The following PROKR2 variants were observed in gnomAD, a reference collection of about 807,000 sequenced individuals.
The protein encoded by PROKR2 is G protein-coupled receptor 73-like 1.
Under a neutral mutation model 23.4 loss-of-function variants are expected in PROKR2, and 26 were observed. That is an observed-to-expected ratio of 1.11 (90% CI 0.81 to 1.54). The LOEUF (loss-of-function observed/expected upper bound fraction) is 1.54. Ranked by LOEUF, PROKR2 falls within the 40% of genes most tolerant of loss-of-function variation. The pLI, the probability that PROKR2 is intolerant of heterozygous loss-of-function variation, is 0.00. For missense variants in PROKR2, 453 were observed against 511.5 expected, an observed-to-expected ratio of 0.89 and a Z score of 1.10; for synonymous variants, 212 against 201.2, an observed-to-expected ratio of 1.05 and a Z score of -0.45.
intron 2 of PROKR2, among the ~76,000 whole-genome samples, chr20:5,308,094 T>G (rs1034408761): frequency 6.6e-6 from 1 of 152,238 alleles, no homozygotes; most frequent in Non-Finnish European, 1.5e-5. Context: ...AGTCTGCAGA[T>G]GTGGATCCTG....
chr20:5,305,100 A>T (rs977590248), intron 2 of PROKR2, among the ~76,000 whole-genome samples: 2 of 150,494 alleles, frequency 1.3e-5, no homozygotes, highest in Non-Finnish European at 3.0e-5. Flanking sequence ...AGCCCAAAAT[A>T]TGTCCAAAAT....
At position 5,316,444 on chromosome 20, in the gene PROKR2, C is replaced by A. The variant is rs1293499295; in HGVS notation, c.-9+50G>T. On this transcript the variant is annotated intron_variant, in intron 1 of 2. Coordinates refer to ENST00000678254, the MANE Select transcript of PROKR2 (RefSeq NM_144773.4). This position sits in a 1 kb window ranked among gnomAD's most constrained non-coding sequence, Gnocchi z 5.0. ...GTCAGAGGCCCTTGTCCTAGCGACT[C>A]CCCCACCGCACCGACTGAGTCCCGG... The A allele has an allele frequency of 5.8e-5, 26 of 450,790 alleles. No homozygotes were observed. In the Admixed American group the frequency reaches 6.2e-4, roughly 11 times the overall value. 27.9% of individuals were successfully genotyped at this position (450,790 alleles called of 1,614,324 possible).
At chr20:5,315,235 G>GAATTCCATGCAAA (rs1330572086) in intron 1 of PROKR2, among the ~76,000 whole-genome samples, 5 of 150,184 alleles carry the variant, frequency 3.3e-5, no homozygotes, top group Non-Finnish European at 7.5e-5. Flanking sequence ...ACCAGCTCCA[G>GAATTCCATGCAAA]AAAGAAATCC....
chr20:5,311,123 G>A (rs56397845), intron 2 of PROKR2, among the ~76,000 whole-genome samples: 17,610 of 152,204 alleles, frequency 0.12, 1,089 homozygotes, highest in Non-Finnish European at 0.12. Context: ...ATATGGATGA[G>A]TATGGATTTC....
chr20:5,315,678 C>G (rs1303979995), intron 1 of PROKR2: 1 of 362,556 alleles, frequency 2.8e-6, no homozygotes, highest in Admixed American at 3.6e-5. Flanking sequence ...ACACCCTAAC[C>G]TGGGGTGCGC....
chr20:5,313,800 T>C lies in PROKR2; in HGVS notation c.458+112A>G, dbSNP rs1395738012. On this transcript the variant is annotated intron_variant, in intron 2 of 2. Transcript: ENST00000678254. Reference sequence around the variant, plus strand: ...GGAGAAACAAGACCTCCTCTTGCCCTCCAAAGATTGGTGAGCATTCCTATC... The same window carrying C: ...GGAGAAACAAGACCTCCTCTTGCCCCCCAAAGATTGGTGAGCATTCCTATC... 1.6e-5 allele frequency: 15 copies of C among 934,540 alleles called. No individual in the cohort carries two copies. The East Asian group carries it at 2.9e-4, about 18-fold the overall frequency. The allele number at this position is 934,540 out of a possible 1,614,324, so 57.9% of individuals were successfully genotyped here. A position where few individuals can be genotyped will look rare whatever the true frequency, so the allele number is the denominator to read the frequency against.
chr20:5,316,184 C>T lies in PROKR2; in HGVS notation c.-9+310G>A, dbSNP rs1228589775. 2 of 456,670 alleles carry T rather than the reference C, an allele frequency of 4.4e-6. No homozygotes were observed. Among genetic ancestry groups the T allele is most frequent in the Admixed American group, 2.3e-5 (1 of 42,574 alleles). The allele number at this position is 456,670 out of a possible 1,614,324, so 28.3% of individuals were successfully genotyped here. On this transcript the variant is annotated intron_variant, in intron 1 of 2. Transcript: ENST00000678254. This position sits in a 1 kb window ranked among gnomAD's most constrained non-coding sequence, Gnocchi z 5.0. The stretch of plus-strand genomic sequence containing the variant: ...TTCCTGCTCACCTTTCAGGAAGGTG[C>T]CCCTCTACCTGCACCCTCCCCTGCA...
intron 2 of PROKR2, among the ~76,000 whole-genome samples, chr20:5,312,213 T>C (rs1286773482): frequency 6.6e-6 from 1 of 152,146 alleles, no homozygotes; most frequent in South Asian, 2.1e-4. Context: ...TTCAAGTGAT[T>C]CTCCTGCCTC....
chr20:5,312,235 T>C (rs11698733), intron 2 of PROKR2, among the ~76,000 whole-genome samples: 46,609 of 151,988 alleles, frequency 0.31, 7,370 homozygotes, highest in East Asian at 0.39. Flanking sequence ...GCCTCCCAAG[T>C]AGCTGGGATT....
chr20:5,315,996 C>T lies in PROKR2; in HGVS notation c.-9+498G>A, dbSNP rs115713479. On this transcript the variant is annotated intron_variant, in intron 1 of 2. Coordinates refer to ENST00000678254, the MANE Select transcript of PROKR2 (RefSeq NM_144773.4). ...CAGCCCCCTTCCCGCCCCATCAACG[C>T]GGCCGCACTGTCGGCGTCTAGAGGC... 2,300 of 456,696 alleles carry T rather than the reference C, an allele frequency of 5.0e-3. 45 individuals carry two copies. Among genetic ancestry groups the T allele is most frequent in the African/African-American group, 0.041 (2,048 of 50,200 alleles). The allele number at this position is 456,696 out of a possible 1,614,324, so 28.3% of individuals were successfully genotyped here.
rs1979549573 is a variant in PROKR2, at chr20:5,314,045, AG to A, written c.324del (p.Phe109SerfsTer53). On this transcript the variant is annotated frameshift_variant, in exon 2 of 3. Transcript: ENST00000678254. LOFTEE classifies it high-confidence loss of function. ...CGTACCACGTAGTAGTCCATCTCGA[AG>A]GGGCAGCAGATGATGGCCACCAGGA... ...SDFLVAIICC[P>X]FEMDYYVVRQ... The A allele has an allele frequency of 6.2e-7, 1 of 1,614,202 alleles. No homozygotes were observed. Among genetic ancestry groups the A allele is most frequent in the African/African-American group, 1.3e-5 (1 of 75,052 alleles).
At chr20:5,306,575 AG>A (rs1979227407) in intron 2 of PROKR2, among the ~76,000 whole-genome samples, 1 of 152,054 alleles carries the variant, frequency 6.6e-6, no homozygotes, top group East Asian at 1.9e-4. Context: ...TGGCTCGAAA[AG>A]TAAAGTTTTC....
In PROKR2 at chr20:5,302,282, A is replaced by G. The variant is rs1979021858; in HGVS notation, c.913T>C (p.Phe305Leu). Reference sequence around the variant, plus strand: ...GTGAGGTAGTGCTTTTCCTTCACGAACACAGTGGGGAAGAAGTCACGAACG... The same window carrying G: ...GTGAGGTAGTGCTTTTCCTTCACGAGCACAGTGGGGAAGAAGTCACGAACG... ...TIVRDFFPTV[F>L]VKEKHYLTAF... Residue 305 changes from phenylalanine to leucine, a missense_variant, in exon 3 of 3, where the codon TTC becomes CTC. Phe to Leu is a conservative substitution (Grantham distance 22, BLOSUM62 0). Coordinates refer to ENST00000678254, the MANE Select transcript of PROKR2 (RefSeq NM_144773.4). The G allele has an allele frequency of 6.2e-7, 1 of 1,614,134 alleles. No homozygotes were observed. Among genetic ancestry groups the G allele is most frequent in the Non-Finnish European group, 8.5e-7 (1 of 1,180,060 alleles).
intron 2 of PROKR2, among the ~76,000 whole-genome samples, chr20:5,307,115 T>G (rs979438416): frequency 6.6e-6 from 1 of 151,788 alleles, no homozygotes; most frequent in Non-Finnish European, 1.5e-5. Flanking sequence ...CCATTTGCAG[T>G]CATGTCGAGA....
chr20:5,308,052 G>T (rs1979287121), intron 2 of PROKR2, among the ~76,000 whole-genome samples: 1 of 140,956 alleles, frequency 7.1e-6, no homozygotes, highest in East Asian at 2.1e-4. Flanking sequence ...TTCAATGATT[G>T]TGCTTTTAAT....
At position 5,313,906 on chromosome 20, in the gene PROKR2, C is replaced by G; in HGVS notation, c.458+6G>C. On this transcript the variant is annotated splice_donor_region_variant and intron_variant, in intron 2 of 2. Coordinates refer to ENST00000678254, the MANE Select transcript of PROKR2 (RefSeq NM_144773.4). ...CCCCACCACTCACCCCACCCACCAT[C>G]CTCACCTGTCAATGGCAATGGCCAG... 1 of 1,613,262 alleles carries G rather than the reference C, an allele frequency of 6.2e-7. No homozygotes were observed. The highest frequency in any genetic ancestry group is 1.1e-5 in the South Asian group (1 of 91,038).
intron 1 of PROKR2, among the ~76,000 whole-genome samples, chr20:5,315,566 G>A (rs1979633681): frequency 1.3e-5 from 2 of 152,160 alleles, no homozygotes; most frequent in East Asian, 1.9e-4. Context: ...GGCGCCGCGG[G>A]ATGCTGGGTA....
chr20:5,305,381 G>A (rs948930958), intron 2 of PROKR2, among the ~76,000 whole-genome samples: 2 of 152,222 alleles, frequency 1.3e-5, no homozygotes, highest in African/African-American at 4.8e-5. Context: ...ACCCTTGCCA[G>A]CGGGGACGAT....
intron 2 of PROKR2, among the ~76,000 whole-genome samples, chr20:5,304,300 C>T (rs551871286): frequency 6.6e-6 from 1 of 152,278 alleles, no homozygotes; most frequent in South Asian, 2.1e-4. Flanking sequence ...ACATTTGAGC[C>T]TTTTCCTTTT....
Sources: gnomAD v4.1 joint callset for allele counts (sites outside exome capture counted in the v4.1 genomes callset) on GRCh38, gnomAD v4.1.1 for gene constraint, Gnocchi (gnomAD v3.1) non-coding constraint, MANE v1.5 for transcripts, NCBI Gene and HGNC (gene_info 2026-07-23, HGNC 2026-07-21) for gene names.